Variants in MFSD6 observed in about 807,000 individuals in gnomAD.
The protein encoded by MFSD6 is major facilitator superfamily domain containing 6, also known as major facilitator superfamily domain-containing protein 6.
MFSD6 carries 26 observed loss-of-function variants against 56.3 expected under a neutral mutation model. That is an observed-to-expected ratio of 0.46 (90% CI 0.34 to 0.64). The LOEUF (loss-of-function observed/expected upper bound fraction) is 0.64. Among genes scored for constraint, MFSD6 ranks in the 30% least tolerant of loss-of-function variants. MFSD6 has a pLI of 0.01. For missense variants in MFSD6, 750 were observed against 986.2 expected (o/e 0.76, Z 3.21); for synonymous variants, 331 against 366.9 (o/e 0.90, Z 1.12).
chr2:190,440,446 A>G (rs1686331585), intron 3 of MFSD6, among the ~76,000 whole-genome samples: 1 of 152,220 alleles, frequency 6.6e-6, no homozygotes, highest in East Asian at 1.9e-4. Flanking sequence ...TTTGATCCAA[A>G]ATCATAAGAC....
rs898707817 is a variant in MFSD6 at position 190,469,347 on chromosome 2, AG to A, written c.1533-410del. The A allele has an allele frequency of 6.5e-6, 1 of 152,802 alleles. No individual in the cohort carries two copies. Among genetic ancestry groups the A allele is most frequent in the Non-Finnish European group, 1.5e-5 (1 of 68,594 alleles). The allele number at this position is 152,802 out of a possible 1,614,324, so 9.5% of individuals were successfully genotyped here. On this transcript the variant is annotated intron_variant, in intron 3 of 7. Coordinates refer to ENST00000392328, the MANE Select transcript of MFSD6 (RefSeq NM_017694.4). The surrounding 1 kb of genome is among the most constrained non-coding windows in gnomAD (Gnocchi z 5.3). ...TTTTTATCCTTCCTTCCCCCATTGT[AG>A]TGAAGTGGTTACAATCCCAGGCATA... is the stretch of plus-strand genomic sequence containing the variant.
At chr2:190,464,642 T>A (rs192839614) in intron 3 of MFSD6, among the ~76,000 whole-genome samples, 2 of 152,302 alleles carry the variant, frequency 1.3e-5, no homozygotes, top group Admixed American at 1.3e-4. Flanking sequence ...GGCCAACCAC[T>A]TCTAACTCAG....
Position 190,471,384 on chromosome 2 carries a change from T to G in MFSD6, c.1630+1529T>G, listed in dbSNP as rs1392466981. Among the ~76,000 whole-genome samples, 1 of 152,108 alleles carries G rather than the reference T, an allele frequency of 6.6e-6. No homozygotes were observed. Among genetic ancestry groups the G allele is most frequent in the South Asian group, 2.1e-4 (1 of 4,814 alleles). The stretch of plus-strand genomic sequence containing the variant: ...GATGGCACCTGGAAAATTGGGTCAC[T>G]CCCACCCTAATACTGTGCTTTTCCA... On this transcript the variant is annotated intron_variant, in intron 4 of 7. Coordinates refer to ENST00000392328, the MANE Select transcript of MFSD6 (RefSeq NM_017694.4). The surrounding 1 kb of genome is among the most constrained non-coding windows in gnomAD (Gnocchi z 4.7).
At position 190,443,252 on chromosome 2, in the gene MFSD6, A is replaced by T. The variant is rs1002987151; in HGVS notation, c.1532+5691A>T. On this transcript the variant is annotated intron_variant, in intron 3 of 7. Coordinates refer to ENST00000392328, the MANE Select transcript of MFSD6 (RefSeq NM_017694.4). This position sits in a 1 kb window ranked among gnomAD's most constrained non-coding sequence, Gnocchi z 4.2. ...GGTGGTTACGAGCAGAGGCTGAGTC[A>T]GATTGCCTGGCTCTGCAACTTGGAA... 5.3e-5 allele frequency among the ~76,000 whole-genome samples: 8 copies of T among 152,212 alleles called. No individual in the cohort carries two copies. The highest frequency in any genetic ancestry group is 1.9e-4 in the African/African-American group (8 of 41,448).
At chr2:190,450,684 G>T (rs1686748133) in intron 3 of MFSD6, among the ~76,000 whole-genome samples, 1 of 151,672 alleles carries the variant, frequency 6.6e-6, no homozygotes, top group South Asian at 2.1e-4. Flanking sequence ...GTAGAGACGA[G>T]GTTTTGTCAT....
At chr2:190,446,263 G>C (rs899483069) in intron 3 of MFSD6, among the ~76,000 whole-genome samples, 1 of 152,178 alleles carries the variant, frequency 6.6e-6, no homozygotes, top group Non-Finnish European at 1.5e-5. Context: ...AAGAGTTTGA[G>C]ATTATAAGAG....
In MFSD6 at chr2:190,469,656, A is replaced by G; in HGVS notation, c.1533-102A>G. On this transcript the variant is annotated intron_variant, in intron 3 of 7. Coordinates refer to ENST00000392328, the MANE Select transcript of MFSD6 (RefSeq NM_017694.4). The surrounding 1 kb of genome is among the most constrained non-coding windows in gnomAD (Gnocchi z 5.3). Reference sequence around the variant, plus strand: ...TGGTTTGGGGAAGGAAAAGGTAGGTAATATTTGCATGTTTTGTACACATAT... The same window carrying G: ...TGGTTTGGGGAAGGAAAAGGTAGGTGATATTTGCATGTTTTGTACACATAT... 1 of 589,180 alleles carries G rather than the reference A, an allele frequency of 1.7e-6. No individual in the cohort carries two copies. The highest frequency in any genetic ancestry group is 2.5e-6 in the Non-Finnish European group (1 of 402,466). 36.5% of individuals were successfully genotyped at this position (589,180 alleles called of 1,614,324 possible). A position where few individuals can be genotyped will look rare whatever the true frequency, so the allele number is the denominator to read the frequency against.
intron 4 of MFSD6, among the ~76,000 whole-genome samples, chr2:190,478,923 T>A (rs1235502846): frequency 6.6e-6 from 1 of 152,094 alleles, no homozygotes; most frequent in Non-Finnish European, 1.5e-5. Context: ...TGTCTAGTAC[T>A]ATCTAGAGGG....
In MFSD6 at chr2:190,408,373, C is replaced by G. The variant is rs1257732655; in HGVS notation, c.-306C>G. The G allele has an allele frequency of 6.6e-6, 1 of 150,742 alleles. No homozygotes were observed. The highest frequency in any genetic ancestry group is 1.5e-5 in the Non-Finnish European group (1 of 67,368). 9.3% of individuals were successfully genotyped at this position (150,742 alleles called of 1,614,324 possible). ...CCAGCCCGTCGCAGCCCCGGAGGAG[C>G]GCGCGAGCAGCCCGGGATGGTGCGC... On this transcript the variant is annotated 5_prime_UTR_variant, in exon 1 of 8. Coordinates refer to ENST00000392328, the MANE Select transcript of MFSD6 (RefSeq NM_017694.4).
Position 190,499,725 on chromosome 2 carries a change from G to C in MFSD6, c.2173-290G>C, listed in dbSNP as rs1574275861. On this transcript the variant is annotated intron_variant, in intron 7 of 7. Transcript: ENST00000392328. This position sits in a 1 kb window ranked among gnomAD's most constrained non-coding sequence, Gnocchi z 6.0. ...TTGGGGGGCTCAGTAAATATTTGCTGATGTAAACTGTTTACCAAGTACTAA... is the reference window on the plus strand; with the variant it reads ...TTGGGGGGCTCAGTAAATATTTGCTCATGTAAACTGTTTACCAAGTACTAA... The C allele has an allele frequency of 8.3e-7, 1 of 1,201,586 alleles. No homozygotes were observed. The highest frequency in any genetic ancestry group is 4.4e-5 in the East Asian group (1 of 22,530). The allele number at this position is 1,201,586 out of a possible 1,614,324, so 74.4% of individuals were successfully genotyped here.
intron 4 of MFSD6, among the ~76,000 whole-genome samples, chr2:190,476,982 C>T (rs577490613): frequency 1.4e-5 from 2 of 142,294 alleles, no homozygotes; most frequent in East Asian, 2.1e-4. Context: ...CATGTTCTCA[C>T]TCATAGGTGG....
At chr2:190,455,767 T>G (rs1322546833) in intron 3 of MFSD6, among the ~76,000 whole-genome samples, 5 of 151,884 alleles carry the variant, frequency 3.3e-5, no homozygotes, top group African/African-American at 1.2e-4. Context: ...CCCTTCCTTT[T>G]TTTTTTGTGA....
At chr2:190,477,404 T>C (rs2125183566) in intron 4 of MFSD6, 2 of 947,248 alleles carry the variant, frequency 2.1e-6, no homozygotes, top group African/African-American at 1.8e-5. Flanking sequence ...AAGAAATGAC[T>C]ATATATTATA....
rs1486216510 is a variant in MFSD6, at chr2:190,498,060, T to C, written c.2172+341T>C. 4.9e-6 allele frequency: 1 copy of C among 203,232 alleles called. No homozygotes were observed. The highest frequency in any genetic ancestry group is 1.0e-5 in the Non-Finnish European group (1 of 98,974). The allele number at this position is 203,232 out of a possible 1,614,324, so 12.6% of individuals were successfully genotyped here. A position where few individuals can be genotyped will look rare whatever the true frequency, so the allele number is the denominator to read the frequency against. On this transcript the variant is annotated intron_variant, in intron 7 of 7. Transcript: ENST00000392328. This position sits in a 1 kb window ranked among gnomAD's most constrained non-coding sequence, Gnocchi z 5.9. The stretch of plus-strand genomic sequence containing the variant: ...TGTCTCTGTAATTCCAAAATTCTAG[T>C]GGGGGCATTATATTATAGGACCACA...
At chr2:190,466,052 G>C (rs1687589063) in intron 3 of MFSD6, among the ~76,000 whole-genome samples, 1 of 152,190 alleles carries the variant, frequency 6.6e-6, no homozygotes, top group Non-Finnish European at 1.5e-5. Context: ...TTACTTCCAA[G>C]GGCCTCTCTC....
chr2:190,495,872 C>A lies in MFSD6; in HGVS notation c.1892-1567C>A, dbSNP rs1179767819. Among the ~76,000 whole-genome samples the A allele has an allele frequency of 1.3e-5, 2 of 152,092 alleles. No individual in the cohort carries two copies. The highest frequency in any genetic ancestry group is 4.8e-5 in the African/African-American group (2 of 41,422). ...ATGGATCAAGGACTTAAATCTAAGA[C>A]CTGAAACTTAAAATTCTAGAAGATA... On this transcript the variant is annotated intron_variant, in intron 6 of 7. Coordinates refer to ENST00000392328, the MANE Select transcript of MFSD6 (RefSeq NM_017694.4). The surrounding 1 kb of genome is among the most constrained non-coding windows in gnomAD (Gnocchi z 4.7).
rs911680963 is a variant in MFSD6, at chr2:190,471,158, C to T, written c.1630+1303C>T. 2.6e-5 allele frequency among the ~76,000 whole-genome samples: 4 copies of T among 152,136 alleles called. No individual in the cohort carries two copies. The highest frequency in any genetic ancestry group is 1.9e-4 in the East Asian group (1 of 5,198). ...AACAGCTCCAGTCTACAGGTCTCAGCGTAAGTGACACAGAAGACTACTGAT... is the reference window on the plus strand; with the variant it reads ...AACAGCTCCAGTCTACAGGTCTCAGTGTAAGTGACACAGAAGACTACTGAT... On this transcript the variant is annotated intron_variant, in intron 4 of 7. Coordinates refer to ENST00000392328, the MANE Select transcript of MFSD6 (RefSeq NM_017694.4). This position sits in a 1 kb window ranked among gnomAD's most constrained non-coding sequence, Gnocchi z 4.7.
At chr2:190,440,207 C>T (rs1158187813) in intron 3 of MFSD6, among the ~76,000 whole-genome samples, 1 of 152,110 alleles carries the variant, frequency 6.6e-6, no homozygotes, top group East Asian at 1.9e-4. Context: ...AAGATTCATA[C>T]CAGAAAATAG....
At position 190,456,780 on chromosome 2, in the gene MFSD6, C is replaced by T. The variant is rs918091832; in HGVS notation, c.1533-12978C>T. On this transcript the variant is annotated intron_variant, in intron 3 of 7. Coordinates refer to ENST00000392328, the MANE Select transcript of MFSD6 (RefSeq NM_017694.4). This position sits in a 1 kb window ranked among gnomAD's most constrained non-coding sequence, Gnocchi z 5.4. ...CTCACCCCTCGTCCTGCCTCAGCATCGATACCTGCAGTTTCTGTGGCTACC... is the reference window on the plus strand; with the variant it reads ...CTCACCCCTCGTCCTGCCTCAGCATTGATACCTGCAGTTTCTGTGGCTACC... 6.6e-6 allele frequency among the ~76,000 whole-genome samples: 1 copy of T among 152,216 alleles called. No homozygotes were observed. Among genetic ancestry groups the T allele is most frequent in the African/African-American group, 2.4e-5 (1 of 41,460 alleles).
Sources: allele counts gnomAD v4.1 joint callset (sites outside exome capture counted in the v4.1 genomes callset), GRCh38; gene constraint gnomAD v4.1.1; non-coding constraint Gnocchi (gnomAD v3.1); transcripts MANE v1.5; gene names NCBI Gene and HGNC (gene_info 2026-07-23, HGNC 2026-07-21).